Variants in SPMIP5 observed in about 807,000 individuals in gnomAD.
The protein encoded by SPMIP5 is sperm microtubule inner protein 5.
At chr10:116,664,687 G>A in the SPMIP5 span, 1 of 1,563,506 alleles carries the variant, frequency 6.4e-7, no homozygotes, top group Non-Finnish European at 8.7e-7. Context: ...GGGGACATCT[G>A]GTAAACCCCC....
At chr10:116,662,400 G>A in the SPMIP5 span, among the ~76,000 whole-genome samples, 36 of 152,258 alleles carry the variant, frequency 2.4e-4, no homozygotes, top group South Asian at 6.4e-3. Flanking sequence ...TCCTGCAGTG[G>A]TTTGTTGCCT....
chr10:116,662,543 G>T, the SPMIP5 span, among the ~76,000 whole-genome samples: 7 of 152,274 alleles, frequency 4.6e-5, no homozygotes, highest in African/African-American at 1.2e-4. Flanking sequence ...AGCATGTCCA[G>T]GTGAAAATTC....
At chr10:116,663,985 C>T in the SPMIP5 span, 2 of 1,542,430 alleles carry the variant, frequency 1.3e-6, no homozygotes, top group Non-Finnish European at 1.7e-6. Context: ...CCTCTGAGCA[C>T]AGCCACATGT....
chr10:116,668,397 G>A, the SPMIP5 span: 1 of 1,202,022 alleles, frequency 8.3e-7, no homozygotes, highest in Non-Finnish European at 1.2e-6. Context: ...TATTGAGTGT[G>A]CACAAGCTCT....
At chr10:116,664,420 C>T in the SPMIP5 span, 15 of 806,510 alleles carry the variant, frequency 1.9e-5, no homozygotes, top group Non-Finnish European at 5.5e-6. Context: ...GTAAAGATCA[C>T]CCTCCTCATT....
At chr10:116,665,415 AAAAAAAG>A in the SPMIP5 span, 1 of 565,494 alleles carries the variant, frequency 1.8e-6, no homozygotes, top group African/African-American at 1.9e-5. Context: ...AAAAAAAAAA[AAAAAAAG>A]AAAAAGAAAG....
At chr10:116,668,378 A>G in the SPMIP5 span, 1 of 1,383,214 alleles carries the variant, frequency 7.2e-7, no homozygotes, top group South Asian at 1.2e-5. Flanking sequence ...CACTGCCTTA[A>G]GGAATTACTA....
chr10:116,663,755 A>G, the SPMIP5 span: 2 of 827,516 alleles, frequency 2.4e-6, no homozygotes, highest in Non-Finnish European at 3.6e-6. Flanking sequence ...CATTAATGAC[A>G]TGCAACCGTC....
At chr10:116,665,183 G>T in the SPMIP5 span, 1 of 1,174,044 alleles carries the variant, frequency 8.5e-7, no homozygotes, top group Non-Finnish European at 1.1e-6. Flanking sequence ...GATCACCTGA[G>T]GTCAGGAATT....
chr10:116,662,958 G>A, the SPMIP5 span, among the ~76,000 whole-genome samples: 7,220 of 152,066 alleles, frequency 0.047, 404 homozygotes, highest in East Asian at 0.33. Context: ...CGAGGCAGGC[G>A]GATCACGAGG....
chr10:116,665,159 G>A, the SPMIP5 span: 1 of 1,272,856 alleles, frequency 7.9e-7, no homozygotes, highest in Non-Finnish European at 1.0e-6. Context: ...CACTTTGGGA[G>A]GCTGAGGCAG....
chr10:116,665,312 G>A, the SPMIP5 span: 2 of 384,936 alleles, frequency 5.2e-6, no homozygotes, highest in South Asian at 9.8e-5. Flanking sequence ...GGCTGAGGCA[G>A]GAGAATCGCT....
the SPMIP5 span, chr10:116,664,510 C>G: frequency 1.2e-6 from 1 of 828,160 alleles, no homozygotes; most frequent in Non-Finnish European, 1.7e-6. Context: ...CTGGTTTTTA[C>G]TCCCATCCCC....
chr10:116,670,101 C>G, the SPMIP5 span: 8 of 152,316 alleles, frequency 5.3e-5, no homozygotes, highest in Non-Finnish European at 7.3e-5. Flanking sequence ...GGCGCTTCCC[C>G]CAGCGCCCGG....
the SPMIP5 span, chr10:116,665,500 G>T: frequency 1.1e-6 from 1 of 936,466 alleles, no homozygotes. Context: ...TGACCCCTGG[G>T]ATTTGGAACG....
At chr10:116,668,819 C>G in the SPMIP5 span, among the ~76,000 whole-genome samples, 1 of 151,962 alleles carries the variant, frequency 6.6e-6, no homozygotes, top group African/African-American at 2.4e-5. Context: ...ACCATTACCC[C>G]TGGAACATCT....
the SPMIP5 span, among the ~76,000 whole-genome samples, chr10:116,669,596 A>T: frequency 1.9e-4 from 29 of 152,242 alleles, no homozygotes; most frequent in Admixed American, 6.5e-5. Flanking sequence ...TGGTTGCAGC[A>T]GAACCGCATT....
chr10:116,663,949 A>C, the SPMIP5 span: 1 of 1,537,928 alleles, frequency 6.5e-7, no homozygotes, highest in Non-Finnish European at 8.7e-7. Flanking sequence ...CTCTAGATAC[A>C]TCTTCCCACT....
chr10:116,668,933 G>GCACACACACACACA, the SPMIP5 span, among the ~76,000 whole-genome samples: 8,324 of 135,184 alleles, frequency 0.062, 402 homozygotes, highest in African/African-American at 0.068. Context: ...GCACACACAT[G>GCACACACACACACA]CACACACACA....
Sources: allele counts gnomAD v4.1 joint callset (sites outside exome capture counted in the v4.1 genomes callset), GRCh38; gene constraint gnomAD v4.1.1; transcripts MANE v1.5; gene names NCBI Gene and HGNC (gene_info 2026-07-23, HGNC 2026-07-21).